The following DHDH variants were observed in gnomAD, a reference collection of about 807,000 sequenced individuals.
DHDH encodes the protein dihydrodiol dehydrogenase, also known as trans-1,2-dihydrobenzene-1,2-diol dehydrogenase.
Under a neutral mutation model 33.2 loss-of-function variants are expected in DHDH, and 29 were observed. The ratio of observed to expected loss-of-function variants is 0.87; its 90% CI spans 0.65 to 1.19. DHDH has a LOEUF of 1.19. Among genes scored for constraint, DHDH ranks in the 50% most tolerant of loss-of-function variants. The pLI is 0.00. For missense variants in DHDH, 431 were observed against 455.0 expected (o/e 0.95, Z 0.48); for synonymous variants, 201 against 187.9 (o/e 1.07, Z -0.57).
intron 4 of DHDH, among the ~76,000 whole-genome samples, chr19:48,941,346 T>C (rs531025945): frequency 5.3e-5 from 8 of 152,182 alleles, no homozygotes; most frequent in Non-Finnish European, 8.8e-5. Flanking sequence ...GCAAGTTACA[T>C]GGCCAGCTCA....
At position 48,939,584 on chromosome 19, in the gene DHDH, G is replaced by A. The variant is rs1185343835; in HGVS notation, c.502G>A (p.Ala168Thr). ...LIHVPRAVDR[A>T]QAGGALLDIG... ...CCACGTTCCCCGGGCCGTAGACCGG[G>A]CCCAGGCTGGGGGGGCCCTGCTGGA... The change falls in exon 4 of 7, where the codon GCC becomes ACC. Residue 168 changes from alanine (A) to threonine (T), a missense_variant. Ala to Thr is a moderately conservative substitution (Grantham distance 58, BLOSUM62 0). Coordinates refer to ENST00000221403, the MANE Select transcript of DHDH (RefSeq NM_014475.4). 1 of 1,608,172 alleles carries A rather than the reference G, an allele frequency of 6.2e-7. No individual in the cohort carries two copies. Among genetic ancestry groups the A allele is most frequent in the South Asian group, 1.1e-5 (1 of 90,534 alleles).
intron 4 of DHDH, among the ~76,000 whole-genome samples, chr19:48,940,783 G>A (rs899690580): frequency 6.6e-6 from 1 of 152,146 alleles, no homozygotes; most frequent in Non-Finnish European, 1.5e-5. Context: ...TTGAGCCTGG[G>A]AGGCAGAGGT....
rs778404394 is a variant in DHDH, at chr19:48,944,337, C to T, written c.745-20C>T. 6.2e-7 allele frequency: 1 copy of T among 1,613,220 alleles called. No individual in the cohort carries two copies. Among genetic ancestry groups the T allele is most frequent in the Non-Finnish European group, 8.5e-7 (1 of 1,179,932 alleles). On this transcript the variant is annotated intron_variant, in intron 5 of 6. Coordinates refer to ENST00000221403, the MANE Select transcript of DHDH (RefSeq NM_014475.4). ...GCACCGTTGGTGAAGGCAGCAGTGC[C>T]ACTTCTTCTCTCCCTCCAGCTCCTC...
intron 5 of DHDH, among the ~76,000 whole-genome samples, chr19:48,944,107 C>CT (rs2037906007): frequency 6.6e-6 from 1 of 152,046 alleles, no homozygotes; most frequent in Admixed American, 6.6e-5. Flanking sequence ...TTCTAAGCTC[C>CT]TAAGGTTAGG....
Position 48,936,074 on chromosome 19 carries a change from C to T in DHDH, c.245C>T (p.Ala82Val), listed in dbSNP as rs749797908. The change falls in exon 3 of 7, where the codon GCG becomes GTG. Residue 82 changes from alanine to valine, a missense_variant. Ala to Val is a moderately conservative substitution (Grantham distance 64). Coordinates refer to ENST00000221403, the MANE Select transcript of DHDH (RefSeq NM_014475.4). Reference sequence around the variant, plus strand: ...ACCCAGCACCCCCAGCACAAGGCGGCGGTGATGCTGTGCTTGGCGGCGGGC... The same window carrying T: ...ACCCAGCACCCCCAGCACAAGGCGGTGGTGATGCTGTGCTTGGCGGCGGGC... ...IGTQHPQHKA[A>V]VMLCLAAGKA... 8.7e-6 allele frequency: 14 copies of T among 1,609,742 alleles called. No individual in the cohort carries two copies. Among genetic ancestry groups the T allele is most frequent in the South Asian group, 5.6e-5 (5 of 90,068 alleles).
chr19:48,936,424 C>T (rs1179989343), intron 3 of DHDH, among the ~76,000 whole-genome samples: 1 of 151,986 alleles, frequency 6.6e-6, no homozygotes, highest in East Asian at 1.9e-4. Context: ...CGGCCGGGCG[C>T]GGTGGCTCAT....
chr19:48,935,096 A>G lies in DHDH; in HGVS notation c.187A>G (p.Lys63Glu), dbSNP rs945951077. 6.3e-6 allele frequency: 10 copies of G among 1,578,254 alleles called. No homozygotes were observed. In the African/African-American group the frequency reaches 1.2e-4, roughly 19 times the overall value. ...CTACGGCTCCTATGAGGAGCTGGCC[A>G]AGGACCCGAGCGTGGGTGAGTGGCG... is the stretch of plus-strand genomic sequence containing the variant. ...KAYGSYEELA[K>E]DPSVEVAYIG... The change falls in exon 2 of 7, where the codon AAG becomes GAG. Residue 63 changes from lysine (K) to glutamate (E), a missense_variant. By Grantham distance (56) the Lys-to-Glu change is moderately conservative. Coordinates refer to ENST00000221403, the MANE Select transcript of DHDH (RefSeq NM_014475.4).
At chr19:48,943,817 A>C (rs1031558877) in intron 5 of DHDH, among the ~76,000 whole-genome samples, 3 of 144,852 alleles carry the variant, frequency 2.1e-5, no homozygotes, top group Non-Finnish European at 4.5e-5. Flanking sequence ...CAAGAGCGAA[A>C]CTCCGTCTCA....
chr19:48,938,791 G>A (rs1338407324), intron 3 of DHDH, among the ~76,000 whole-genome samples: 3 of 151,972 alleles, frequency 2.0e-5, no homozygotes, highest in South Asian at 2.1e-4. Context: ...GACTACAGGC[G>A]TGCGCCATCA....
chr19:48,943,321 C>G (rs1270900894), intron 5 of DHDH, among the ~76,000 whole-genome samples: 1 of 151,922 alleles, frequency 6.6e-6, no homozygotes, highest in Non-Finnish European at 1.5e-5. Flanking sequence ...GGAAGTGCAT[C>G]CGGGGGAGGA....
intron 4 of DHDH, among the ~76,000 whole-genome samples, chr19:48,941,985 CGTGTGTGTGT>C (rs60467743): frequency 6.7e-4 from 88 of 132,230 alleles, no homozygotes; most frequent in Admixed American, 1.8e-3. Context: ...GACTGTACTT[CGTGTGTGTGT>C]GTGTGTGTGT....
At chr19:48,941,497 T>C (rs966902051) in intron 4 of DHDH, among the ~76,000 whole-genome samples, 2 of 152,100 alleles carry the variant, frequency 1.3e-5, no homozygotes, top group Non-Finnish European at 2.9e-5. Flanking sequence ...TTCTCCTCCG[T>C]AAGACCCCCA....
chr19:48,937,642 C>T (rs2037797967), intron 3 of DHDH, among the ~76,000 whole-genome samples: 1 of 151,872 alleles, frequency 6.6e-6, no homozygotes, highest in African/African-American at 2.4e-5. Context: ...GAAACCCCGC[C>T]TCTACTAAAA....
At chr19:48,936,613 G>A (rs76401865) in intron 3 of DHDH, among the ~76,000 whole-genome samples, 24,769 of 149,916 alleles carry the variant, frequency 0.17, 2,612 homozygotes, top group East Asian at 0.46. Flanking sequence ...GGAGAATGGC[G>A]TGAACCCGGG....
intron 5 of DHDH, among the ~76,000 whole-genome samples, chr19:48,943,405 T>C (rs1292674782): frequency 6.6e-6 from 1 of 151,830 alleles, no homozygotes; most frequent in Non-Finnish European, 1.5e-5. Context: ...AAACCCTATT[T>C]TATAGCCAGG....
intron 4 of DHDH, among the ~76,000 whole-genome samples, chr19:48,940,977 G>A (rs868504705): frequency 4.1e-5 from 6 of 147,668 alleles, no homozygotes; most frequent in East Asian, 2.0e-4. Flanking sequence ...CACCGCCCCC[G>A]GCAAGCCAGA....
chr19:48,935,706 A>G (rs938225594), intron 2 of DHDH, among the ~76,000 whole-genome samples: 4 of 150,538 alleles, frequency 2.7e-5, no homozygotes. Context: ...AGTCCCAGCT[A>G]CTCGGGAGGC....
At chr19:48,933,943 A>T (rs2037738721) in intron 1 of DHDH, 132 bp downstream of exon 1, 7 of 755,984 alleles carry the variant, frequency 9.3e-6, no homozygotes, top group Non-Finnish European at 1.3e-5. Context: ...TTTCCTTGCT[A>T]CCTCCTTCTC....
At chr19:48,938,343 C>T (rs1315572791) in intron 3 of DHDH, among the ~76,000 whole-genome samples, 5 of 152,132 alleles carry the variant, frequency 3.3e-5, no homozygotes, top group East Asian at 1.9e-4. Flanking sequence ...GTGATCCGCC[C>T]GCCTTGGCCT....
Sources: allele counts gnomAD v4.1 joint callset (sites outside exome capture counted in the v4.1 genomes callset), GRCh38; gene constraint gnomAD v4.1.1; transcripts MANE v1.5; gene names NCBI Gene and HGNC (gene_info 2026-07-23, HGNC 2026-07-21).